Variants in DPP10 observed in about 807,000 individuals in gnomAD.
DPP10 encodes the protein dipeptidyl peptidase like 10, also known as inactive dipeptidyl peptidase 10.
DPP10 carries 33 observed loss-of-function variants against 120.9 expected under a neutral mutation model. The ratio of observed to expected loss-of-function variants is 0.27; its 90% CI spans 0.21 to 0.37. The LOEUF is 0.37. Among genes scored for constraint, DPP10 ranks in the 10% least tolerant of loss-of-function variants. The pLI, the probability that DPP10 is intolerant of heterozygous loss-of-function variation, is 1.00. For synonymous variants in DPP10, 337 were observed against 326.1 expected (o/e 1.03, Z -0.36); for missense variants, 816 against 942.8 (o/e 0.87, Z 1.76).
chr2:115,789,048 G>A (rs925112460), intron 17 of DPP10, among the ~76,000 whole-genome samples: 12 of 152,036 alleles, frequency 7.9e-5, no homozygotes, highest in Non-Finnish European at 1.8e-4. Context: ...AACCTGGGAG[G>A]CGGAGCTTGC....
chr2:114,945,807 ACT>A (rs1426057494), intron 1 of DPP10, among the ~76,000 whole-genome samples: 1 of 152,038 alleles, frequency 6.6e-6, no homozygotes, highest in Non-Finnish European at 1.5e-5. Flanking sequence ...CACGAGGGAA[ACT>A]CTGTCTCAAA....
chr2:115,130,489 C>T (rs1057346159), intron 1 of DPP10, among the ~76,000 whole-genome samples: 1 of 134,248 alleles, frequency 7.4e-6, no homozygotes, highest in African/African-American at 2.9e-5. Flanking sequence ...TCCATGCATC[C>T]ATCCATCCAT....
intron 1 of DPP10, among the ~76,000 whole-genome samples, chr2:114,829,755 C>T (rs757149624): frequency 9.2e-5 from 14 of 151,980 alleles, no homozygotes; most frequent in Admixed American, 1.3e-4. Flanking sequence ...ACTTCCTCTA[C>T]CATTATTACT....
chr2:115,823,597 T>G (rs1048805914), intron 21 of DPP10, among the ~76,000 whole-genome samples: 6 of 152,194 alleles, frequency 3.9e-5, no homozygotes, highest in African/African-American at 1.4e-4. Flanking sequence ...AGCTTTCAGT[T>G]TGTATTTGGC....
intron 5 of DPP10, among the ~76,000 whole-genome samples, chr2:115,573,492 C>T (rs1322492074): frequency 1.3e-5 from 2 of 151,426 alleles, no homozygotes; most frequent in Non-Finnish European, 2.9e-5. Context: ...CCGTGTTAGC[C>T]AGGTTGGTCT....
chr2:114,491,957 A>C (rs141686786), intron 1 of DPP10, among the ~76,000 whole-genome samples: 7 of 152,210 alleles, frequency 4.6e-5, no homozygotes, highest in Non-Finnish European at 8.8e-5. Flanking sequence ...AAATGGACTA[A>C]TGAATGAATA....
At chr2:114,934,090 T>A (rs1696280360) in intron 1 of DPP10, among the ~76,000 whole-genome samples, 1 of 152,214 alleles carries the variant, frequency 6.6e-6, no homozygotes, top group Non-Finnish European at 1.5e-5. Context: ...CTGTGAAACC[T>A]CTTGCACTAC....
At chr2:114,889,867 G>A (rs1692397889) in intron 1 of DPP10, among the ~76,000 whole-genome samples, 1 of 152,134 alleles carries the variant, frequency 6.6e-6, no homozygotes, top group Non-Finnish European at 1.5e-5. Context: ...TGACAAAACA[G>A]AAATACATGC....
chr2:115,584,668 T>C (rs2044624), intron 5 of DPP10, among the ~76,000 whole-genome samples: 2,093 of 152,344 alleles, frequency 0.014, 55 homozygotes, highest in African/African-American at 0.048. Flanking sequence ...TGATGCTGTG[T>C]GGTGACCAAC....
At chr2:115,722,718 G>C (rs2092677387) in intron 7 of DPP10, among the ~76,000 whole-genome samples, 1 of 152,114 alleles carries the variant, frequency 6.6e-6, no homozygotes, top group Admixed American at 6.5e-5. Flanking sequence ...TATGTGGTCT[G>C]TTACCGACCA....
intron 1 of DPP10, among the ~76,000 whole-genome samples, chr2:114,679,404 A>C (rs918764293): frequency 9.9e-5 from 15 of 152,064 alleles, no homozygotes; most frequent in Non-Finnish European, 2.2e-4. Context: ...ACTGGTATGC[A>C]TTAGGCCCCT....
At chr2:114,579,451 C>G (rs76273077) in intron 1 of DPP10, among the ~76,000 whole-genome samples, 9,167 of 152,206 alleles carry the variant, frequency 0.06, 895 homozygotes, top group African/African-American at 0.21. Flanking sequence ...AAACTCTCTT[C>G]TCCTGTATAA....
At chr2:114,450,237 A>G (rs1409394286) in intron 1 of DPP10, among the ~76,000 whole-genome samples, 1 of 152,080 alleles carries the variant, frequency 6.6e-6, no homozygotes, top group East Asian at 1.9e-4. Context: ...TCCTATTCTT[A>G]CTTTAAATCT....
At chr2:115,808,139 C>G (rs1686229397) in intron 19 of DPP10, among the ~76,000 whole-genome samples, 1 of 152,174 alleles carries the variant, frequency 6.6e-6, no homozygotes, top group Non-Finnish European at 1.5e-5. Context: ...ACACGCTGAG[C>G]AGCATATACG....
At chr2:114,854,684 G>A (rs1481107419) in intron 1 of DPP10, among the ~76,000 whole-genome samples, 1 of 152,168 alleles carries the variant, frequency 6.6e-6, no homozygotes, top group Non-Finnish European at 1.5e-5. Context: ...GTAAGGAGTT[G>A]AAGGATAGAG....
intron 1 of DPP10, among the ~76,000 whole-genome samples, chr2:114,722,381 A>G (rs1331070898): frequency 6.6e-6 from 1 of 152,182 alleles, no homozygotes; most frequent in Non-Finnish European, 1.5e-5. Context: ...ATAGAGATGG[A>G]AAATATCATT....
chr2:114,639,580 A>T (rs999347474), intron 1 of DPP10, among the ~76,000 whole-genome samples: 7 of 151,932 alleles, frequency 4.6e-5, no homozygotes, highest in African/African-American at 1.7e-4. Context: ...CAGTTTCCAT[A>T]CCCCAAACCT....
At chr2:114,993,582 A>C (rs59643647) in intron 1 of DPP10, among the ~76,000 whole-genome samples, 1 of 122,686 alleles carries the variant, frequency 8.2e-6, no homozygotes, top group Non-Finnish European at 1.6e-5. Flanking sequence ...GTGTGTGTGT[A>C]TATATATATA....
chr2:115,657,456 C>T (rs903119883), intron 5 of DPP10, among the ~76,000 whole-genome samples: 4 of 151,724 alleles, frequency 2.6e-5, no homozygotes, highest in African/African-American at 9.7e-5. Flanking sequence ...TATTTCTTCT[C>T]TTAAGACATT....
Sources: gnomAD v4.1 joint callset for allele counts (sites outside exome capture counted in the v4.1 genomes callset) on GRCh38, gnomAD v4.1.1 for gene constraint, MANE v1.5 for transcripts, NCBI Gene and HGNC (gene_info 2026-07-23, HGNC 2026-07-21) for gene names.